The following TMEM45A variants were observed in gnomAD, a reference collection of about 807,000 sequenced individuals.
The protein encoded by TMEM45A is DNA polymerase-transactivated protein 4.
Under a neutral mutation model 32.0 loss-of-function variants are expected in TMEM45A, and 25 were observed. That is an observed-to-expected ratio of 0.78 (90% CI 0.57 to 1.09). The LOEUF (loss-of-function observed/expected upper bound fraction) is 1.09. Among genes scored for constraint, TMEM45A ranks in the 50% least tolerant of loss-of-function variants. The pLI is 0.00. For synonymous variants in TMEM45A, 122 were observed against 114.8 expected, an observed-to-expected ratio of 1.06 and a Z score of -0.40; for missense variants, 302 against 325.0, an observed-to-expected ratio of 0.93 and a Z score of 0.54.
At chr3:100,502,873 C>T (rs1708024353) in intron 1 of TMEM45A, among the ~76,000 whole-genome samples, 1 of 152,016 alleles carries the variant, frequency 6.6e-6, no homozygotes, top group Admixed American at 6.6e-5. Context: ...ATGGCTAAAC[C>T]TTGGGGATAA....
Position 100,515,444 on chromosome 3 carries a change from G to C in TMEM45A, c.-4+22516G>C, listed in dbSNP as rs566218750. 5.2e-3 allele frequency among the ~76,000 whole-genome samples: 729 copies of C among 139,026 alleles called. 6 individuals carry two copies. The highest frequency in any genetic ancestry group is 0.019 in the African/African-American group (702 of 37,292). 91.2% of individuals were successfully genotyped at this position (139,026 alleles called of 152,430 possible). ...ATTGAACAATGAGAACACATGGACA[G>C]AGGAAGGGGAACATCACACTCTGGG... On this transcript the variant is annotated intron_variant, in intron 1 of 5. Coordinates refer to ENST00000323523, the MANE Select transcript of TMEM45A (RefSeq NM_018004.3).
chr3:100,509,153 A>G (rs1433310592), intron 1 of TMEM45A, among the ~76,000 whole-genome samples: 1 of 152,238 alleles, frequency 6.6e-6, no homozygotes, highest in African/African-American at 2.4e-5. Flanking sequence ...AAAAGAAGAC[A>G]TACGAATGAC....
chr3:100,550,386 G>C (rs1484054705), intron 1 of TMEM45A, among the ~76,000 whole-genome samples: 1 of 152,190 alleles, frequency 6.6e-6, no homozygotes, highest in Non-Finnish European at 1.5e-5. Flanking sequence ...TATCCACATA[G>C]TATGTGGATA....
At chr3:100,519,577 C>T in intron 1 of TMEM45A, 1 of 1,551,026 alleles carries the variant, frequency 6.4e-7, no homozygotes. Flanking sequence ...ACCAATGACT[C>T]AGAAGGGAAA....
At chr3:100,511,123 T>C (rs1192411567) in intron 1 of TMEM45A, among the ~76,000 whole-genome samples, 6 of 151,602 alleles carry the variant, frequency 4.0e-5, no homozygotes, top group Non-Finnish European at 7.4e-5. Flanking sequence ...ATACAGAGAA[T>C]GCCACAAAGA....
intron 1 of TMEM45A, among the ~76,000 whole-genome samples, chr3:100,508,812 A>C (rs1708114269): frequency 6.6e-6 from 1 of 152,120 alleles, no homozygotes; most frequent in Admixed American, 6.5e-5. Flanking sequence ...ACTATATAAA[A>C]AAAAAAAACT....
chr3:100,537,806 A>G (rs1705772360), intron 1 of TMEM45A, among the ~76,000 whole-genome samples: 1 of 152,184 alleles, frequency 6.6e-6, no homozygotes, highest in Non-Finnish European at 1.5e-5. Flanking sequence ...ATGCAAGTGA[A>G]TGTGTCAGCC....
At chr3:100,559,080 C>T (rs1576290200) in intron 4 of TMEM45A, among the ~76,000 whole-genome samples, 1 of 152,320 alleles carries the variant, frequency 6.6e-6, no homozygotes, top group Admixed American at 6.5e-5. Context: ...AAGTCTCATA[C>T]AATAACAGAG....
intron 1 of TMEM45A, among the ~76,000 whole-genome samples, chr3:100,518,255 A>G (rs1233743671): frequency 6.6e-6 from 1 of 152,218 alleles, no homozygotes; most frequent in East Asian, 1.9e-4. Flanking sequence ...GGAGTGAGAA[A>G]TTAGAATCAA....
intron 1 of TMEM45A, among the ~76,000 whole-genome samples, chr3:100,510,196 CCT>C: frequency 6.6e-6 from 1 of 152,332 alleles, no homozygotes; most frequent in East Asian, 1.9e-4. Flanking sequence ...ACAGCAGTAA[CCT>C]TTGCAGACTT....
chr3:100,514,030 T>A (rs1173305868), intron 1 of TMEM45A, among the ~76,000 whole-genome samples: 4 of 152,102 alleles, frequency 2.6e-5, no homozygotes, highest in African/African-American at 9.7e-5. Context: ...AGAATCAATA[T>A]CGTGAAAATG....
intron 1 of TMEM45A, among the ~76,000 whole-genome samples, chr3:100,544,930 G>C (rs987702858): frequency 1.3e-5 from 2 of 152,180 alleles, no homozygotes; most frequent in Non-Finnish European, 2.9e-5. Flanking sequence ...CCATGGGGCT[G>C]TTCTATTTGT....
rs116116503 is a variant in TMEM45A, at chr3:100,534,453, G to C, written c.-3-20756G>C. Among the ~76,000 whole-genome samples, 1,311 of 152,250 alleles carry C rather than the reference G, an allele frequency of 8.6e-3. 18 individuals are homozygous for C. The highest frequency in any genetic ancestry group is 0.029 in the African/African-American group (1,219 of 41,532). On this transcript the variant is annotated intron_variant, in intron 1 of 5. Transcript: ENST00000323523. ...AGAAGGGGTCAGAGTCAGTGAGAGA[G>C]ATTTGAAGATGCCATGCTGCTGGCT...
intron 1 of TMEM45A, among the ~76,000 whole-genome samples, chr3:100,539,490 T>TGTATATGTATAC (rs1553682653): frequency 0.047 from 3,336 of 70,984 alleles, 116 homozygotes; most frequent in East Asian, 0.12. Flanking sequence ...TATATGTATA[T>TGTATATGTATAC]GTATACGTAT....
intron 5 of TMEM45A, among the ~76,000 whole-genome samples, chr3:100,569,840 A>G (rs1250913404): frequency 6.6e-6 from 1 of 152,238 alleles, no homozygotes. Context: ...ATGAAAATAC[A>G]GTGCAATATA....
At chr3:100,496,007 T>G (rs1428638255) in intron 1 of TMEM45A, among the ~76,000 whole-genome samples, 1 of 152,206 alleles carries the variant, frequency 6.6e-6, no homozygotes, top group Non-Finnish European at 1.5e-5. Flanking sequence ...AACTGTAATA[T>G]GCACTTAAGT....
rs1394490538 is a variant in TMEM45A, at chr3:100,556,819, C to T, written c.250C>T (p.Gln84Ter). 6.2e-7 allele frequency: 1 copy of T among 1,614,126 alleles called. No individual in the cohort carries two copies. The highest frequency in any genetic ancestry group is 1.3e-5 in the African/African-American group (1 of 75,046). ...GPHLMLYDYK[Q>*]GHWNQLLGWH... Reference sequence around the variant, plus strand: ...CCATCTGATGTTATATGACTATAAACAAGGTCACTGGAATCAACTCCTGGG... The same window carrying T: ...CCATCTGATGTTATATGACTATAAATAAGGTCACTGGAATCAACTCCTGGG... Residue 84 changes from glutamine (Q) to a stop codon, truncating the protein, a stop_gained, in exon 3 of 6, where the codon CAA becomes TAA. Transcript: ENST00000323523. LOFTEE classifies it high-confidence loss of function.
At chr3:100,557,633 G>T (rs1706249965) in intron 3 of TMEM45A, among the ~76,000 whole-genome samples, 1 of 152,002 alleles carries the variant, frequency 6.6e-6, no homozygotes, top group African/African-American at 2.4e-5. Flanking sequence ...TGATCAGGAG[G>T]CAGTCACTTC....
At chr3:100,521,814 C>A (rs1281445781) in intron 1 of TMEM45A, among the ~76,000 whole-genome samples, 1 of 152,232 alleles carries the variant, frequency 6.6e-6, no homozygotes, top group Non-Finnish European at 1.5e-5. Flanking sequence ...CTCCTGCCCA[C>A]GTCCTCTAGG....
Sources: gnomAD v4.1 joint callset for allele counts (sites outside exome capture counted in the v4.1 genomes callset) on GRCh38, gnomAD v4.1.1 for gene constraint, MANE v1.5 for transcripts, NCBI Gene and HGNC (gene_info 2026-07-23, HGNC 2026-07-21) for gene names.